Variants in TECTB observed in about 807,000 individuals in gnomAD.
TECTB encodes beta-tectorin.
A neutral mutation model predicts 43.3 loss-of-function variants in TECTB; 45 were observed. The observed-to-expected ratio is 1.04, with a 90% CI of 0.82 to 1.33. The LOEUF (loss-of-function observed/expected upper bound fraction) is 1.33, where lower values mean the gene tolerates loss of function less well. Among genes scored for constraint, TECTB ranks in the 40% most tolerant of loss-of-function variants. The pLI, the probability that TECTB is intolerant of heterozygous loss-of-function variation, is 0.00. For missense variants in TECTB, 399 were observed against 404.7 expected (o/e 0.99, Z 0.12); for synonymous variants, 169 against 156.7 (o/e 1.08, Z -0.59).
At chr10:112,294,228 A>G (rs956736156) in intron 7 of TECTB, among the ~76,000 whole-genome samples, 167 bp downstream of exon 7, 1 of 152,190 alleles carries the variant, frequency 6.6e-6, no homozygotes, top group Non-Finnish European at 1.5e-5. Context: ...GAAACAGGAC[A>G]TAGTGCATTC....
At position 112,302,146 on chromosome 10, in the gene TECTB, G is replaced by C; in HGVS notation, c.940+13G>C. 3 of 1,614,014 alleles carry C rather than the reference G, an allele frequency of 1.9e-6. No homozygotes were observed. The highest frequency in any genetic ancestry group is 2.5e-6 in the Non-Finnish European group (3 of 1,179,906). On this transcript the variant is annotated intron_variant, in intron 10 of 10. Coordinates refer to ENST00000646139, the MANE Select transcript of TECTB (RefSeq NM_058222.3). ...TATAGCTTCTCAGGTAAGGAAAAGA[G>C]ACACTTCTGGGATTTCGTGGGGCTA...
intron 5 of TECTB, among the ~76,000 whole-genome samples, chr10:112,293,396 G>C (rs145087299): frequency 1.6e-3 from 251 of 152,316 alleles, no homozygotes; most frequent in Non-Finnish European, 2.6e-3. Flanking sequence ...CAGTCCCTGT[G>C]TCCTTGGGCG....
chr10:112,302,236 G>A, intron 10 of TECTB, 103 bp downstream of exon 10: 1 of 1,432,018 alleles, frequency 7.0e-7, no homozygotes, highest in South Asian at 1.2e-5. Flanking sequence ...AACTTTTAAG[G>A]ATTGAAAATT....
Position 112,300,279 on chromosome 10 carries a change from A to AAAGAAAGGAAAGAAAGAAAG in TECTB, c.907+717_907+718insGAAAGGAAAGAAAGAAAGAA, listed in dbSNP as rs1361291056. On this transcript the variant is annotated intron_variant, in intron 9 of 10. Coordinates refer to ENST00000646139, the MANE Select transcript of TECTB (RefSeq NM_058222.3). Reference sequence around the variant, plus strand: ...GAAAGAAAGAAAGAAAGAAAGAAAGAAAAGAAAGAAAGAAAGAAAGAAAGA... The same window carrying AAAGAAAGGAAAGAAAGAAAG: ...GAAAGAAAGAAAGAAAGAAAGAAAGAAAGAAAGGAAAGAAAGAAAGAAAGAAAGAAAGAAAGAAAGAAAGA... 2.2e-3 allele frequency among the ~76,000 whole-genome samples: 106 copies of AAAGAAAGGAAAGAAAGAAAG among 48,388 alleles called. 2 individuals are homozygous for AAAGAAAGGAAAGAAAGAAAG. Among genetic ancestry groups the AAAGAAAGGAAAGAAAGAAAG allele is most frequent in the African/African-American group, 6.0e-3 (67 of 11,238 alleles). 31.7% of individuals were successfully genotyped at this position (48,388 alleles called of 152,430 possible). A position where few individuals can be genotyped will look rare whatever the true frequency, so the allele number is the denominator to read the frequency against.
chr10:112,290,380 T>C (rs1299423236), intron 5 of TECTB, among the ~76,000 whole-genome samples: 1 of 152,242 alleles, frequency 6.6e-6, no homozygotes, highest in Non-Finnish European at 1.5e-5. Flanking sequence ...TTTCACATTA[T>C]AGAGAAAGTA....
Position 112,293,781 on chromosome 10 carries a change from A to T in TECTB, c.527A>T (p.Glu176Val), listed in dbSNP as rs1160784484. ...SIKKEAPFVL[E>V]ASEIGSDLFA... is the part of the protein sequence containing the mutation. Reference sequence around the variant, plus strand: ...AAGAAAGAAGCTCCCTTTGTCCTGGAGGCATCCGAAATCGGTTCAGATCTG... The same window carrying T: ...AAGAAAGAAGCTCCCTTTGTCCTGGTGGCATCCGAAATCGGTTCAGATCTG... The change falls in exon 6 of 11, where the codon GAG becomes GTG. Residue 176 changes from glutamate (E) to valine (V), a missense_variant. By Grantham distance (121) the Glu-to-Val change is moderately radical. Transcript: ENST00000646139. 8 of 1,614,052 alleles carry T rather than the reference A, an allele frequency of 5.0e-6. No individual in the cohort carries two copies. Among genetic ancestry groups the T allele is most frequent in the African/African-American group, 1.3e-5 (1 of 74,902 alleles).
Position 112,293,938 on chromosome 10 carries a change from TTC to T in TECTB, c.588-36_588-35del, listed in dbSNP as rs769089477. 6.8e-6 allele frequency: 11 copies of T among 1,610,850 alleles called. No individual in the cohort carries two copies. The South Asian group carries it at 8.8e-5, about 13-fold the overall frequency. ...TCATCAGATGTTTGTAGGCATAAGA[TTC>T]TCTGTTTCAAAGTGATGCCATTTTG... On this transcript the variant is annotated intron_variant, in intron 6 of 10. Transcript: ENST00000646139.
In TECTB at chr10:112,302,283, G is replaced by T. The variant is rs190854439; in HGVS notation, c.940+150G>T. 10 of 846,062 alleles carry T rather than the reference G, an allele frequency of 1.2e-5. No individual in the cohort carries two copies. In the African/African-American group the frequency reaches 1.7e-4, roughly 15 times the overall value. 52.4% of individuals were successfully genotyped at this position (846,062 alleles called of 1,614,324 possible). ...CACACCTGAGTGGCGCAGAGGGGGC[G>T]AGATCAAGAGGTCTCCCTCTGACCA... On this transcript the variant is annotated intron_variant, in intron 10 of 10. Coordinates refer to ENST00000646139, the MANE Select transcript of TECTB (RefSeq NM_058222.3).
At chr10:112,301,084 A>G (rs1848607443) in intron 9 of TECTB, among the ~76,000 whole-genome samples, 1 of 152,252 alleles carries the variant, frequency 6.6e-6, no homozygotes, top group South Asian at 2.1e-4. Context: ...TATGTGGTTC[A>G]AAAAAAGAAT....
At chr10:112,284,051 T>C (rs929194861) in intron 2 of TECTB, among the ~76,000 whole-genome samples, 19 of 152,016 alleles carry the variant, frequency 1.2e-4, no homozygotes, top group African/African-American at 4.1e-4. Flanking sequence ...CTCTCTTACT[T>C]ACACACTCTC....
chr10:112,293,528 G>A (rs892871490), intron 5 of TECTB, among the ~76,000 whole-genome samples: 16 of 152,286 alleles, frequency 1.1e-4, no homozygotes, highest in African/African-American at 2.4e-4. Context: ...TCTAGAATAC[G>A]TGATTATATG....
At chr10:112,298,764 C>A (rs1043787061) in intron 8 of TECTB, among the ~76,000 whole-genome samples, 1 of 152,180 alleles carries the variant, frequency 6.6e-6, no homozygotes, top group South Asian at 2.1e-4. Context: ...AAGGCCTGGG[C>A]AGGCTGTGCT....
intron 8 of TECTB, 82 bp downstream of exon 8, chr10:112,298,313 TA>T (rs1848566830): frequency 1.3e-6 from 2 of 1,525,934 alleles, no homozygotes; most frequent in East Asian, 4.9e-5. Context: ...GGGGAGATCA[TA>T]ACCAGGCCAG....
At chr10:112,300,061 C>A (rs539905047) in intron 9 of TECTB, among the ~76,000 whole-genome samples, 1 of 150,178 alleles carries the variant, frequency 6.7e-6, no homozygotes, top group Non-Finnish European at 1.5e-5. Context: ...ACTCGGGAGG[C>A]TAAGGCAGGA....
rs1178263995 is a variant in TECTB at position 112,303,646 on chromosome 10, A to G, written c.*334A>G. On this transcript the variant is annotated 3_prime_UTR_variant, in exon 11 of 11. Coordinates refer to ENST00000646139, the MANE Select transcript of TECTB (RefSeq NM_058222.3). The stretch of plus-strand genomic sequence containing the variant: ...AAAAGGTTAGCAGACCCAACCAAGT[A>G]CTGCTGAGCATTTTGAAGAGAATGT... The G allele has an allele frequency of 3.3e-6, 1 of 299,512 alleles. No homozygotes were observed. The highest frequency in any genetic ancestry group is 2.1e-5 in the African/African-American group (1 of 47,684). The allele number at this position is 299,512 out of a possible 1,614,324, so 18.6% of individuals were successfully genotyped here. A position where few individuals can be genotyped will look rare whatever the true frequency, so the allele number is the denominator to read the frequency against.
In TECTB at chr10:112,293,788, C is replaced by A. The variant is rs726009; in HGVS notation, c.534C>A (p.Ser178=). ...KKEAPFVLEA[S]EIGSDLFAGV... ...AAGCTCCCTTTGTCCTGGAGGCATC[C>A]GAAATCGGTTCAGATCTGTTTGCAG... Residue 178 remains serine, a synonymous_variant, in exon 6 of 11, where the codon TCC becomes TCA. Transcript: ENST00000646139. 82 of 1,613,900 alleles carry A rather than the reference C, an allele frequency of 5.1e-5. No individual in the cohort carries two copies. Among genetic ancestry groups the A allele is most frequent in the East Asian group, 4.9e-4 (22 of 44,854 alleles).
chr10:112,286,391 T>C lies in TECTB; in HGVS notation c.483T>C (p.Thr161=), dbSNP rs771076522. ...FESQLSLNFY[T]NAKFSIKKEA... ...GCCAACTGTCTCTCAACTTCTACAC[T>C]GTAAGTGGTCTCCAGGTTCCCATTA... Residue 161 remains threonine, a splice_region_variant and synonymous_variant, in exon 5 of 11, where the codon ACT becomes ACC. Transcript: ENST00000646139. The C allele has an allele frequency of 6.2e-7, 1 of 1,603,658 alleles. No individual in the cohort carries two copies. The highest frequency in any genetic ancestry group is 8.5e-7 in the Non-Finnish European group (1 of 1,171,422).
Position 112,299,546 on chromosome 10 carries a change from G to A in TECTB, c.889G>A (p.Val297Met), listed in dbSNP as rs749582234. 1.9e-5 allele frequency: 30 copies of A among 1,613,042 alleles called. No individual in the cohort carries two copies. Among genetic ancestry groups the A allele is most frequent in the African/African-American group, 2.7e-5 (2 of 74,470 alleles). Reference protein sequence around the residue: ...LRDQTGGVLVVELSLRSRGFS... With the variant: ...LRDQTGGVLVMELSLRSRGFS... ...AGACCAGACCGGGGGAGTCCTGGTCGTGGAGCTCTCCCTGCGGAGTAAGCG... is the reference window on the plus strand; with the variant it reads ...AGACCAGACCGGGGGAGTCCTGGTCATGGAGCTCTCCCTGCGGAGTAAGCG... Residue 297 changes from valine (V) to methionine (M), a missense_variant, in exon 9 of 11, where the codon GTG becomes ATG. Transcript: ENST00000646139.
At chr10:112,299,766 A>C in intron 9 of TECTB, 1 of 566,998 alleles carries the variant, frequency 1.8e-6, no homozygotes, top group East Asian at 2.8e-5. Flanking sequence ...TTTGTTATCT[A>C]CTCTGAAAGT....
Sources: gnomAD v4.1 joint callset for allele counts (sites outside exome capture counted in the v4.1 genomes callset) on GRCh38, gnomAD v4.1.1 for gene constraint, MANE v1.5 for transcripts, NCBI Gene and HGNC (gene_info 2026-07-23, HGNC 2026-07-21) for gene names.